The following FCHO2 variants were observed in gnomAD, a reference collection of about 807,000 sequenced individuals.
FCHO2 encodes the protein F-BAR domain only protein 2.
A neutral mutation model predicts 114.1 loss-of-function variants in FCHO2; 43 were observed. That is an observed-to-expected ratio of 0.38 (90% CI 0.30 to 0.49). FCHO2 has a LOEUF of 0.49. FCHO2 is among the 20% of genes least tolerant of loss of function. The pLI is 0.97. For missense variants in FCHO2, 807 were observed against 950.4 expected (o/e 0.85, Z 1.98); for synonymous variants, 293 against 315.2 (o/e 0.93, Z 0.75).
At chr5:73,021,327 G>C in intron 8 of FCHO2, 1 of 415,536 alleles carries the variant, frequency 2.4e-6, no homozygotes, top group Non-Finnish European at 4.5e-6. Flanking sequence ...AAGTGATGGC[G>C]ACAGGAGGGA....
intron 13 of FCHO2, among the ~76,000 whole-genome samples, chr5:73,053,387 G>T (rs1757422315): frequency 6.6e-6 from 1 of 152,110 alleles, no homozygotes; most frequent in East Asian, 1.9e-4. Flanking sequence ...TTGAAGTACA[G>T]AGTTGCTTAA....
intron 16 of FCHO2, among the ~76,000 whole-genome samples, chr5:73,057,471 C>T (rs1388275600): frequency 1.3e-5 from 2 of 151,948 alleles, no homozygotes; most frequent in Non-Finnish European, 2.9e-5. Context: ...GATATGTACT[C>T]TTATGTAATT....
chr5:72,973,436 T>G (rs1208149002), intron 2 of FCHO2, among the ~76,000 whole-genome samples: 2 of 152,014 alleles, frequency 1.3e-5, no homozygotes, highest in Non-Finnish European at 2.9e-5. Context: ...CTTGGGAGAG[T>G]GTATGTGTTG....
intron 2 of FCHO2, among the ~76,000 whole-genome samples, chr5:72,986,307 T>A (rs1431529825): frequency 2.6e-5 from 4 of 152,198 alleles, no homozygotes; most frequent in Non-Finnish European, 5.9e-5. Context: ...AGATCTCTAA[T>A]GAAATTCTTC....
chr5:72,958,554 A>C (rs1421962037), intron 1 of FCHO2, among the ~76,000 whole-genome samples: 1 of 152,224 alleles, frequency 6.6e-6, no homozygotes, highest in Non-Finnish European at 1.5e-5. Flanking sequence ...GACAGCCAGT[A>C]ACACACAGTT....
At chr5:73,067,840 A>G (rs1204352749) in intron 18 of FCHO2, among the ~76,000 whole-genome samples, 1 of 152,000 alleles carries the variant, frequency 6.6e-6, no homozygotes, top group African/African-American at 2.4e-5. Flanking sequence ...AAGTGTTGCT[A>G]CTGAATTATT....
intron 19 of FCHO2, 125 bp downstream of exon 19, chr5:73,068,904 A>C (rs904392587): frequency 2.7e-6 from 3 of 1,093,810 alleles, no homozygotes; most frequent in Non-Finnish European, 3.7e-6. Context: ...TTCTGGAAAC[A>C]CACCTGGAAT....
intron 20 of FCHO2, among the ~76,000 whole-genome samples, chr5:73,076,244 T>C (rs1189409136): frequency 6.6e-6 from 1 of 152,132 alleles, no homozygotes; most frequent in Non-Finnish European, 1.5e-5. Context: ...AGGATTTTAG[T>C]GGCATAGTGG....
chr5:72,997,841 C>T (rs554636251), intron 5 of FCHO2, among the ~76,000 whole-genome samples: 5 of 152,332 alleles, frequency 3.3e-5, no homozygotes, highest in African/African-American at 1.2e-4. Context: ...AGCAGCCTCA[C>T]TCTAACTTCG....
chr5:73,036,541 T>C (rs1426664059), intron 9 of FCHO2, among the ~76,000 whole-genome samples: 1 of 151,726 alleles, frequency 6.6e-6, no homozygotes, highest in Non-Finnish European at 1.5e-5. Context: ...ACCCAGCTAA[T>C]CTTTTGTATT....
In FCHO2 at chr5:73,090,282, T is replaced by A. The variant is rs1420965045; in HGVS notation, c.*2192T>A. On this transcript the variant is annotated 3_prime_UTR_variant, in exon 26 of 26. Transcript: ENST00000430046. ...GTAGATTTTCAATGGGAAATGTACC[T>A]AGCAAGCTGGTTCTTGCTTATATAT... 1 of 152,572 alleles carries A rather than the reference T, an allele frequency of 6.6e-6. No individual in the cohort carries two copies. The highest frequency in any genetic ancestry group is 2.4e-5 in the African/African-American group (1 of 41,448). 9.5% of individuals were successfully genotyped at this position (152,572 alleles called of 1,614,324 possible). A position where few individuals can be genotyped will look rare whatever the true frequency, so the allele number is the denominator to read the frequency against.
intron 8 of FCHO2, among the ~76,000 whole-genome samples, chr5:73,025,464 C>T (rs1472144325): frequency 1.3e-5 from 2 of 151,438 alleles, no homozygotes; most frequent in South Asian, 2.1e-4. Flanking sequence ...CTGCAACCTC[C>T]GCCTGCCGGG....
At chr5:72,986,869 T>C (rs1017203048) in intron 2 of FCHO2, among the ~76,000 whole-genome samples, 5 of 151,730 alleles carry the variant, frequency 3.3e-5, no homozygotes, top group African/African-American at 1.2e-4. Context: ...TTTTTCTTTT[T>C]CTTTCTTTTT....
intron 2 of FCHO2, among the ~76,000 whole-genome samples, chr5:72,984,950 T>C (rs1753425918): frequency 6.6e-6 from 1 of 152,126 alleles, no homozygotes; most frequent in Non-Finnish European, 1.5e-5. Flanking sequence ...TTCTATATGT[T>C]ACACTTGGTT....
At chr5:73,040,763 T>TTA (rs1427168455) in intron 10 of FCHO2, among the ~76,000 whole-genome samples, 1 of 152,300 alleles carries the variant, frequency 6.6e-6, no homozygotes, top group East Asian at 1.9e-4. Context: ...ATCTACTAAG[T>TTA]TATGGAAAGT....
chr5:73,075,657 G>A (rs773981529), intron 20 of FCHO2, among the ~76,000 whole-genome samples: 7 of 152,096 alleles, frequency 4.6e-5, no homozygotes, highest in Non-Finnish European at 1.5e-5. Context: ...CAGAGGGTGC[G>A]GTGGGCAGTC....
chr5:72,996,167 C>T (rs1320725837), intron 5 of FCHO2, among the ~76,000 whole-genome samples: 5 of 145,792 alleles, frequency 3.4e-5, no homozygotes, highest in African/African-American at 7.6e-5. Context: ...CACTTGAACC[C>T]GGGAGTTAGA....
At chr5:72,969,769 T>C (rs1042252877) in intron 2 of FCHO2, among the ~76,000 whole-genome samples, 3 of 152,238 alleles carry the variant, frequency 2.0e-5, no homozygotes, top group Non-Finnish European at 4.4e-5. Context: ...TACTACTTTA[T>C]TTTTCTCCAT....
At chr5:73,018,596 G>A (rs1436879333) in intron 8 of FCHO2, among the ~76,000 whole-genome samples, 1 of 151,664 alleles carries the variant, frequency 6.6e-6, no homozygotes, top group Non-Finnish European at 1.5e-5. Context: ...CACAACCGTG[G>A]ATTAAAACAG....
Sources: allele counts gnomAD v4.1 joint callset (sites outside exome capture counted in the v4.1 genomes callset), GRCh38; gene constraint gnomAD v4.1.1; transcripts MANE v1.5; gene names NCBI Gene and HGNC (gene_info 2026-07-23, HGNC 2026-07-21).